Variants in PNLIPRP3 observed in about 807,000 individuals in gnomAD.
PNLIPRP3 encodes the protein pancreatic lipase related protein 3.
PNLIPRP3 carries 58 observed loss-of-function variants against 52.8 expected under a neutral mutation model. The observed-to-expected ratio is 1.10, with a 90% CI of 0.89 to 1.37. The LOEUF is 1.37. PNLIPRP3 is among the 40% of genes most tolerant of loss of function. The probability of loss-of-function intolerance (pLI) is 0.00; values close to 1 mark genes in which losing one functional copy is unlikely to be tolerated. For synonymous variants in PNLIPRP3, 192 were observed against 185.0 expected (o/e 1.04, Z -0.31); for missense variants, 593 against 561.6 (o/e 1.06, Z -0.57).
intron 1 of PNLIPRP3, among the ~76,000 whole-genome samples, chr10:116,434,097 T>C (rs1845745604): frequency 6.6e-6 from 1 of 152,204 alleles, no homozygotes. Context: ...TTGGTATTTT[T>C]TATTAGCAGT....
At chr10:116,461,419 TAAG>T in intron 7 of PNLIPRP3, 129 bp downstream of exon 7, 1 of 1,150,876 alleles carries the variant, frequency 8.7e-7, no homozygotes, top group Non-Finnish European at 1.2e-6. Context: ...CAGTTGCATA[TAAG>T]AAGCTCTCCC....
At chr10:116,467,597 C>T (rs1284283318) in intron 8 of PNLIPRP3, among the ~76,000 whole-genome samples, 1 of 151,968 alleles carries the variant, frequency 6.6e-6, no homozygotes, top group Non-Finnish European at 1.5e-5. Flanking sequence ...AGCAAACGAC[C>T]TTATATTCCC....
chr10:116,476,928 G>C (rs2133165011), intron 11 of PNLIPRP3, 109 bp downstream of exon 11: 1 of 1,289,212 alleles, frequency 7.8e-7, no homozygotes, highest in East Asian at 2.5e-5. Context: ...TATAGACTTT[G>C]AAATTTTGCA....
intron 2 of PNLIPRP3, among the ~76,000 whole-genome samples, chr10:116,438,089 T>A (rs955765545): frequency 5.9e-5 from 9 of 151,854 alleles, no homozygotes; most frequent in African/African-American, 1.9e-4. Flanking sequence ...ATCAGAAAAA[T>A]TGAGGATAAA....
chr10:116,443,281 T>G, intron 3 of PNLIPRP3, 107 bp downstream of exon 3: 1 of 1,151,218 alleles, frequency 8.7e-7, no homozygotes, highest in South Asian at 2.4e-5. Context: ...TTCCATTCAG[T>G]TATCCACAAT....
chr10:116,461,160 T>G lies in PNLIPRP3; in HGVS notation c.686-8T>G. ...TAGAGGCATTTACCCTGTTTTTATT[T>G]ATTTCAGGTGTTGGAACCATTGATG... On this transcript the variant is annotated splice_region_variant and splice_polypyrimidine_tract_variant and intron_variant, in intron 6 of 11. Coordinates refer to ENST00000369230, the MANE Select transcript of PNLIPRP3 (RefSeq NM_001011709.3). The G allele has an allele frequency of 6.2e-7, 1 of 1,614,210 alleles. No homozygotes were observed.
Position 116,444,320 on chromosome 10 carries a change from T to A in PNLIPRP3, c.325-62T>A, listed in dbSNP as rs145047794. The stretch of plus-strand genomic sequence containing the variant: ...AATTTCTTATTATGGAATCAAGTGT[T>A]GAGACACGTCGGTTTCCTTGAACAC... On this transcript the variant is annotated intron_variant, in intron 3 of 11. Coordinates refer to ENST00000369230, the MANE Select transcript of PNLIPRP3 (RefSeq NM_001011709.3). 1.4e-3 allele frequency: 2,023 copies of A among 1,398,684 alleles called. 21 individuals are homozygous for A. The African/African-American group carries it at 0.021, about 15-fold the overall frequency. The allele number at this position is 1,398,684 out of a possible 1,614,324, so 86.6% of individuals were successfully genotyped here.
chr10:116,439,766 T>C, intron 2 of PNLIPRP3: 2 of 770,872 alleles, frequency 2.6e-6, no homozygotes, highest in Non-Finnish European at 4.8e-6. Flanking sequence ...GACGGTGGCC[T>C]TTTAGGGGCA....
intron 2 of PNLIPRP3, chr10:116,439,462 C>T (rs1284160610): frequency 6.1e-6 from 4 of 654,278 alleles, no homozygotes; most frequent in African/African-American, 5.4e-5. Context: ...TTTCTTTATT[C>T]CTCCTCCTCC....
rs2133165521 is a variant in PNLIPRP3, at chr10:116,477,218, T to C, written c.*65T>C. ...ATGAAGAAAAGTGTCTCCTTCCACCTGGCATCCAGACCAAATTTGACCCTT... is the reference window on the plus strand; with the variant it reads ...ATGAAGAAAAGTGTCTCCTTCCACCCGGCATCCAGACCAAATTTGACCCTT... On this transcript the variant is annotated 3_prime_UTR_variant, in exon 12 of 12. Transcript: ENST00000369230. The C allele has an allele frequency of 7.3e-7, 1 of 1,368,684 alleles. No individual in the cohort carries two copies. Among genetic ancestry groups the C allele is most frequent in the Non-Finnish European group, 1.0e-6 (1 of 982,242 alleles). The allele number at this position is 1,368,684 out of a possible 1,614,324, so 84.8% of individuals were successfully genotyped here. A position where few individuals can be genotyped will look rare whatever the true frequency, so the allele number is the denominator to read the frequency against.
chr10:116,431,945 C>T (rs1328554826), intron 1 of PNLIPRP3, among the ~76,000 whole-genome samples: 1 of 152,092 alleles, frequency 6.6e-6, no homozygotes, highest in Non-Finnish European at 1.5e-5. Context: ...CAAATGCTAC[C>T]CTGGACACCC....
intron 2 of PNLIPRP3, among the ~76,000 whole-genome samples, chr10:116,440,219 G>GATCCTTTT: frequency 6.6e-6 from 1 of 152,202 alleles, no homozygotes; most frequent in East Asian, 1.9e-4. Flanking sequence ...CAGGCTCATT[G>GATCCTTTT]ATCCTTTTAT....
intron 10 of PNLIPRP3, among the ~76,000 whole-genome samples, chr10:116,472,779 TC>T (rs1846395401): frequency 1.3e-5 from 2 of 152,230 alleles, no homozygotes; most frequent in Admixed American, 1.3e-4. Context: ...TTGACTTTAT[TC>T]CACCTTCAGT....
intron 5 of PNLIPRP3, among the ~76,000 whole-genome samples, chr10:116,456,251 A>G (rs1473163024): frequency 6.6e-6 from 1 of 152,260 alleles, no homozygotes; most frequent in African/African-American, 2.4e-5. Flanking sequence ...CATAGCTAGA[A>G]GGAGTACATT....
chr10:116,440,814 C>T (rs1564694348), intron 2 of PNLIPRP3, among the ~76,000 whole-genome samples: 1 of 152,156 alleles, frequency 6.6e-6, no homozygotes, highest in Non-Finnish European at 1.5e-5. Flanking sequence ...TTGCACACTT[C>T]CGGTAGTTTC....
intron 10 of PNLIPRP3, among the ~76,000 whole-genome samples, chr10:116,475,333 T>C (rs1179825776): frequency 1.3e-5 from 2 of 151,980 alleles, no homozygotes; most frequent in Non-Finnish European, 2.9e-5. Flanking sequence ...AACTAATGGG[T>C]ACTAGGCTTA....
chr10:116,434,994 G>A (rs1450452873), intron 1 of PNLIPRP3, among the ~76,000 whole-genome samples: 1 of 152,178 alleles, frequency 6.6e-6, no homozygotes, highest in East Asian at 1.9e-4. Context: ...AACCTACGAT[G>A]ACACTGATCC....
chr10:116,451,884 T>C (rs1191374970), intron 4 of PNLIPRP3, among the ~76,000 whole-genome samples: 3 of 152,202 alleles, frequency 2.0e-5, no homozygotes, highest in Non-Finnish European at 2.9e-5. Flanking sequence ...GCTATAAAGA[T>C]ACTTCAAAAT....
chr10:116,444,255 G>A (rs973144511), intron 3 of PNLIPRP3, 127 bp from the exon 4 acceptor site: 3 of 752,128 alleles, frequency 4.0e-6, no homozygotes, highest in Admixed American at 3.3e-5. Context: ...ATAAGATTTG[G>A]TCGGGGACAC....
Sources: allele counts gnomAD v4.1 joint callset (sites outside exome capture counted in the v4.1 genomes callset), GRCh38; gene constraint gnomAD v4.1.1; transcripts MANE v1.5; gene names NCBI Gene and HGNC (gene_info 2026-07-23, HGNC 2026-07-21).